Variants in CDH12 observed in about 807,000 individuals in gnomAD.
CDH12 encodes the protein cadherin 12.
In CDH12, 41 loss-of-function variants were observed where a neutral mutation model predicts 74.1. That is an observed-to-expected ratio of 0.55 (90% CI 0.43 to 0.72). The LOEUF (loss-of-function observed/expected upper bound fraction) is 0.72, where lower values mean the gene tolerates loss of function less well. CDH12 is among the 30% of genes least tolerant of loss of function. The probability of loss-of-function intolerance (pLI) is 0.00; values close to 1 mark genes in which losing one functional copy is unlikely to be tolerated. For missense variants in CDH12, 945 were observed against 977.2 expected, an observed-to-expected ratio of 0.97 and a Z score of 0.44; for synonymous variants, 399 against 355.0, an observed-to-expected ratio of 1.12 and a Z score of -1.39.
chr5:21,867,157 C>G (rs902981503), intron 6 of CDH12, among the ~76,000 whole-genome samples: 2 of 152,068 alleles, frequency 1.3e-5, no homozygotes, highest in African/African-American at 4.8e-5. Flanking sequence ...GAGTTCGAGA[C>G]CAGTCTGGCC....
chr5:22,328,221 A>T (rs1280517222), intron 3 of CDH12, among the ~76,000 whole-genome samples: 1 of 152,226 alleles, frequency 6.6e-6, no homozygotes, highest in Non-Finnish European at 1.5e-5. Context: ...CAGTTTTTTA[A>T]AAAAATATAT....
chr5:22,237,537 AG>A (rs1383414989), intron 3 of CDH12, among the ~76,000 whole-genome samples: 1 of 152,122 alleles, frequency 6.6e-6, no homozygotes, highest in Non-Finnish European at 1.5e-5. Context: ...GGACATGGAA[AG>A]AGAGTGCCAT....
intron 1 of CDH12, among the ~76,000 whole-genome samples, chr5:22,659,846 A>G (rs779264855): frequency 9.9e-5 from 15 of 152,134 alleles, no homozygotes; most frequent in Non-Finnish European, 1.9e-4. Flanking sequence ...ATTTCAATGA[A>G]TTTTCTAAAA....
At chr5:22,670,475 A>C (rs2126912609) in intron 1 of CDH12, among the ~76,000 whole-genome samples, 1 of 152,304 alleles carries the variant, frequency 6.6e-6, no homozygotes, top group Non-Finnish European at 1.5e-5. Context: ...TAGATTATAA[A>C]TTCCTTCTAG....
chr5:22,726,798 T>C (rs1042334778), intron 1 of CDH12, among the ~76,000 whole-genome samples: 1 of 151,810 alleles, frequency 6.6e-6, no homozygotes, highest in African/African-American at 2.4e-5. Flanking sequence ...GACAAAAAAA[T>C]AATCTCAGAC....
intron 2 of CDH12, among the ~76,000 whole-genome samples, chr5:22,460,569 T>G (rs563857837): frequency 6.6e-6 from 1 of 152,252 alleles, no homozygotes; most frequent in African/African-American, 2.4e-5. Flanking sequence ...GGATCTAACC[T>G]TTTCACTTAT....
chr5:22,512,720 A>C (rs1736662708), intron 1 of CDH12, among the ~76,000 whole-genome samples: 1 of 152,204 alleles, frequency 6.6e-6, no homozygotes, highest in Non-Finnish European at 1.5e-5. Flanking sequence ...GAAAGTAAGG[A>C]ATGGAATCAG....
intron 12 of CDH12, 28 bp downstream of exon 12, chr5:21,764,950 C>T (rs765497795): frequency 3.1e-6 from 5 of 1,611,522 alleles, no homozygotes; most frequent in Non-Finnish European, 4.2e-6. Flanking sequence ...GGTCTTTATA[C>T]ACTCAAGGAA....
At chr5:22,706,432 T>C (rs569334185) in intron 1 of CDH12, among the ~76,000 whole-genome samples, 1 of 152,184 alleles carries the variant, frequency 6.6e-6, no homozygotes, top group East Asian at 1.9e-4. Context: ...AAGCCAATCA[T>C]GTATCACAGA....
chr5:22,603,567 A>G (rs987726730), intron 1 of CDH12, among the ~76,000 whole-genome samples: 5 of 152,196 alleles, frequency 3.3e-5, no homozygotes, highest in African/African-American at 1.2e-4. Context: ...ATGAAAACTG[A>G]GAAACAATAA....
intron 2 of CDH12, among the ~76,000 whole-genome samples, chr5:22,464,163 T>G (rs1561424179): frequency 6.6e-6 from 1 of 152,190 alleles, no homozygotes. Context: ...GTCTTCTCTT[T>G]GCCTGCTGCT....
At chr5:22,296,189 C>G (rs1029968858) in intron 3 of CDH12, among the ~76,000 whole-genome samples, 1 of 151,722 alleles carries the variant, frequency 6.6e-6, no homozygotes, top group Non-Finnish European at 1.5e-5. Flanking sequence ...TAACATCAGC[C>G]AATGAACAAA....
At chr5:22,771,359 C>A (rs1230687268) in intron 1 of CDH12, among the ~76,000 whole-genome samples, 1 of 151,916 alleles carries the variant, frequency 6.6e-6, no homozygotes, top group Non-Finnish European at 1.5e-5. Flanking sequence ...TATTAGCATA[C>A]AAATTTTATA....
intron 6 of CDH12, among the ~76,000 whole-genome samples, chr5:21,903,377 C>T (rs1465718483): frequency 6.6e-6 from 1 of 152,052 alleles, no homozygotes; most frequent in Non-Finnish European, 1.5e-5. Flanking sequence ...GAAAAACGTA[C>T]GTAAGAAGCA....
At chr5:22,485,988 C>A (rs548833181) in intron 2 of CDH12, among the ~76,000 whole-genome samples, 2 of 152,276 alleles carry the variant, frequency 1.3e-5, no homozygotes, top group South Asian at 2.1e-4. Context: ...GGATAAGGGA[C>A]CTTTTTCAAA....
chr5:21,796,287 C>T (rs180756887), intron 10 of CDH12, among the ~76,000 whole-genome samples: 3 of 152,052 alleles, frequency 2.0e-5, no homozygotes, highest in African/African-American at 4.8e-5. Flanking sequence ...GAGCAACTTA[C>T]GTTAGCCTAC....
intron 1 of CDH12, among the ~76,000 whole-genome samples, chr5:22,630,946 A>C (rs1738551562): frequency 6.6e-6 from 1 of 152,178 alleles, no homozygotes; most frequent in South Asian, 2.1e-4. Context: ...AGCAAGCAAA[A>C]AAACAAACAA....
chr5:21,863,459 A>T (rs1359661164), intron 6 of CDH12, among the ~76,000 whole-genome samples: 1 of 152,172 alleles, frequency 6.6e-6, no homozygotes, highest in Non-Finnish European at 1.5e-5. Flanking sequence ...TTTTACACCA[A>T]CAGCCTTATC....
intron 4 of CDH12, among the ~76,000 whole-genome samples, chr5:22,193,813 A>C (rs1450443749): frequency 3.3e-5 from 5 of 152,116 alleles, no homozygotes. Context: ...ATATAGTAAG[A>C]ACTTGGTTTG....
Sources: gnomAD v4.1 joint callset for allele counts (sites outside exome capture counted in the v4.1 genomes callset) on GRCh38, gnomAD v4.1.1 for gene constraint, MANE v1.5 for transcripts, NCBI Gene and HGNC (gene_info 2026-07-23, HGNC 2026-07-21) for gene names.